Variants in TMC1 observed in about 807,000 individuals in gnomAD.
The protein encoded by TMC1 is transmembrane channel like 1, also known as transmembrane channel-like protein 1.
TMC1 carries 84 observed loss-of-function variants against 105.8 expected under a neutral mutation model. That is an observed-to-expected ratio of 0.79 (90% CI 0.67 to 0.95). The LOEUF (loss-of-function observed/expected upper bound fraction) is 0.95, where lower values mean the gene tolerates loss of function less well. Ranked by LOEUF, TMC1 falls within the 40% of genes least tolerant of loss-of-function variation. The pLI, the probability that TMC1 is intolerant of heterozygous loss-of-function variation, is 0.00. For synonymous variants in TMC1, 315 were observed against 311.5 expected, an observed-to-expected ratio of 1.01 and a Z score of -0.12; for missense variants, 817 against 914.1, an observed-to-expected ratio of 0.89 and a Z score of 1.37.
At position 72,656,149 on chromosome 9, in the gene TMC1, A is replaced by G. The variant is rs1017830999; in HGVS notation, c.16+7485A>G. 9 of 620,186 alleles carry G rather than the reference A, an allele frequency of 1.5e-5. 1 individual carries two copies. The highest frequency in any genetic ancestry group is 8.3e-5 in the South Asian group (6 of 72,012). 38.4% of individuals were successfully genotyped at this position (620,186 alleles called of 1,614,324 possible). A position where few individuals can be genotyped will look rare whatever the true frequency, so the allele number is the denominator to read the frequency against. On this transcript the variant is annotated intron_variant, in intron 5 of 23. Coordinates refer to ENST00000297784, the MANE Select transcript of TMC1 (RefSeq NM_138691.3). ...AGTGATTCGAATTCGGTGAATTGCC[A>G]TCTTCGGCTCCGTGGGTGTTTTTCC... is the stretch of plus-strand genomic sequence containing the variant.
chr9:72,593,616 G>A (rs1437191767), intron 2 of TMC1, among the ~76,000 whole-genome samples: 1 of 151,198 alleles, frequency 6.6e-6, no homozygotes, highest in African/African-American at 2.4e-5. Context: ...GGTCTTGAAC[G>A]CCCGATCTCA....
intron 12 of TMC1, among the ~76,000 whole-genome samples, chr9:72,756,492 C>T (rs1827678520): frequency 6.6e-6 from 1 of 152,056 alleles, no homozygotes; most frequent in African/African-American, 2.4e-5. Flanking sequence ...CCACCTCTTC[C>T]TCCTCCCCTC....
At chr9:72,823,437 T>G (rs1242652565) in intron 20 of TMC1, among the ~76,000 whole-genome samples, 3 of 152,198 alleles carry the variant, frequency 2.0e-5, no homozygotes, top group Non-Finnish European at 4.4e-5. Context: ...AATATAAATT[T>G]GAACTAGGTT....
At chr9:72,758,052 A>C (rs1346978310) in intron 12 of TMC1, among the ~76,000 whole-genome samples, 1 of 152,226 alleles carries the variant, frequency 6.6e-6, no homozygotes, top group East Asian at 1.9e-4. Context: ...AGTCATTATC[A>C]AATTGTTCAT....
intron 10 of TMC1, 39 bp downstream of exon 10, chr9:72,742,564 T>C (rs1827408701): frequency 4.6e-6 from 7 of 1,529,690 alleles, no homozygotes; most frequent in African/African-American, 1.4e-5. Context: ...AAGGTTGTCT[T>C]AGAGAAGTAT....
intron 1 of TMC1, among the ~76,000 whole-genome samples, chr9:72,555,683 C>T (rs1469189156): frequency 6.6e-6 from 1 of 151,608 alleles, no homozygotes; most frequent in Non-Finnish European, 1.5e-5. Context: ...TGCAGTGGCG[C>T]AATCTTGGCT....
chr9:72,806,389 G>A (rs71506002), intron 18 of TMC1, among the ~76,000 whole-genome samples: 23 of 115,262 alleles, frequency 2.0e-4, no homozygotes, highest in African/African-American at 5.2e-4. Context: ...GCGGCTGGCC[G>A]GGCGGGGGGC....
At position 72,800,626 on chromosome 9, in the gene TMC1, G is replaced by A. The variant is rs959584183; in HGVS notation, c.1567-4756G>A. ...AGTTAATCCTCCACCTTGGAAGCCC[G>A]TGGATTATGCTGCTTGTCTTTTTTT... On this transcript the variant is annotated intron_variant, in intron 17 of 23. Coordinates refer to ENST00000297784, the MANE Select transcript of TMC1 (RefSeq NM_138691.3). 2.2e-4 allele frequency among the ~76,000 whole-genome samples: 33 copies of A among 151,732 alleles called. 1 individual carries two copies. The highest frequency in any genetic ancestry group is 1.8e-3 in the Admixed American group (28 of 15,222).
At chr9:72,788,066 TA>T in intron 13 of TMC1, among the ~76,000 whole-genome samples, 1 of 152,270 alleles carries the variant, frequency 6.6e-6, no homozygotes, top group Middle Eastern at 3.4e-3. Flanking sequence ...ACAAAACACA[TA>T]AAAATATGTT....
intron 18 of TMC1, among the ~76,000 whole-genome samples, chr9:72,809,931 A>G (rs1033356714): frequency 6.6e-6 from 1 of 151,420 alleles, no homozygotes; most frequent in Non-Finnish European, 1.5e-5. Context: ...CTTGAAGAGA[A>G]AGTGTGTGTG....
intron 4 of TMC1, among the ~76,000 whole-genome samples, chr9:72,635,959 T>C (rs1470603396): frequency 6.6e-6 from 1 of 152,172 alleles, no homozygotes; most frequent in African/African-American, 2.4e-5. Flanking sequence ...GATAACTCCC[T>C]TTATGCTGGG....
intron 4 of TMC1, among the ~76,000 whole-genome samples, chr9:72,635,516 A>G (rs1261321134): frequency 6.6e-6 from 1 of 152,202 alleles, no homozygotes; most frequent in African/African-American, 2.4e-5. Flanking sequence ...AGAAAATTCC[A>G]AGGGCTTTAG....
chr9:72,662,960 A>C (rs1010405075), intron 5 of TMC1, among the ~76,000 whole-genome samples: 1 of 152,212 alleles, frequency 6.6e-6, no homozygotes, highest in African/African-American at 2.4e-5. Context: ...CAAGGGGTTC[A>C]TTTTGCCTGC....
At chr9:72,657,272 A>T (rs921929703) in intron 5 of TMC1, among the ~76,000 whole-genome samples, 6 of 152,210 alleles carry the variant, frequency 3.9e-5, no homozygotes, top group Non-Finnish European at 5.9e-5. Flanking sequence ...AGGCAAAAAG[A>T]TCAGGCAACA....
At chr9:72,668,668 T>C (rs1826081134) in intron 5 of TMC1, among the ~76,000 whole-genome samples, 1 of 152,218 alleles carries the variant, frequency 6.6e-6, no homozygotes, top group African/African-American at 2.4e-5. Flanking sequence ...TATTACAAGA[T>C]AGAACATTTT....
chr9:72,789,673 G>A (rs1301921488), intron 15 of TMC1, among the ~76,000 whole-genome samples: 1 of 152,218 alleles, frequency 6.6e-6, no homozygotes, highest in Non-Finnish European at 1.5e-5. Flanking sequence ...TAGGAATCTT[G>A]ACTTCGAGTC....
intron 9 of TMC1, among the ~76,000 whole-genome samples, chr9:72,742,016 TAA>T: frequency 6.6e-6 from 1 of 152,302 alleles, no homozygotes; most frequent in South Asian, 2.1e-4. Flanking sequence ...GACCTGGAAA[TAA>T]AAGACAGAAA....
intron 3 of TMC1, among the ~76,000 whole-genome samples, chr9:72,618,832 C>G (rs1825190837): frequency 6.6e-6 from 1 of 152,022 alleles, no homozygotes; most frequent in Admixed American, 6.6e-5. Context: ...ATTAAAGAAG[C>G]CAGTAAAAAT....
chr9:72,744,927 C>T (rs936314822), intron 10 of TMC1, among the ~76,000 whole-genome samples: 3 of 152,196 alleles, frequency 2.0e-5, no homozygotes, highest in Non-Finnish European at 4.4e-5. Flanking sequence ...GTAGAAAAGA[C>T]AGATTGAGAG....
Sources: allele counts gnomAD v4.1 joint callset (sites outside exome capture counted in the v4.1 genomes callset), GRCh38; gene constraint gnomAD v4.1.1; transcripts MANE v1.5; gene names NCBI Gene and HGNC (gene_info 2026-07-23, HGNC 2026-07-21).